Variants in SEL1L3 observed in about 807,000 individuals in gnomAD.
SEL1L3 encodes the protein SEL1L family member 3.
In SEL1L3, 76 loss-of-function variants were observed where a neutral mutation model predicts 142.8. That is an observed-to-expected ratio of 0.53 (90% confidence interval 0.44 to 0.64). The LOEUF is 0.64. Ranked by LOEUF, SEL1L3 falls within the 30% of genes least tolerant of loss-of-function variation. The pLI is 0.00. For synonymous variants in SEL1L3, 504 were observed against 519.6 expected (o/e 0.97, Z 0.41); for missense variants, 1,262 against 1,381.7 (o/e 0.91, Z 1.37).
the SEL1L3 span, among the ~76,000 whole-genome samples, chr4:25,727,019 GTC>G: frequency 2.6e-5 from 4 of 151,396 alleles, no homozygotes; most frequent in East Asian, 5.9e-4. Context: ...CGCCCTTCGT[GTC>G]TCTCTGTGTG....
chr4:25,725,614 C>T, the SEL1L3 span, among the ~76,000 whole-genome samples: 7 of 151,932 alleles, frequency 4.6e-5, no homozygotes, highest in Non-Finnish European at 7.4e-5. Flanking sequence ...GCGCCCGGCC[C>T]TGGTTGGCTA....
intron 1 of SEL1L3, among the ~76,000 whole-genome samples, chr4:25,855,411 T>G (rs955621834): frequency 6.6e-6 from 1 of 152,224 alleles, no homozygotes; most frequent in African/African-American, 2.4e-5. Context: ...TTCCAGCTTC[T>G]AAGATAGAGT....
At chr4:25,819,365 C>A (rs528697342) in intron 8 of SEL1L3, among the ~76,000 whole-genome samples, 28 of 152,348 alleles carry the variant, frequency 1.8e-4, no homozygotes, top group Admixed American at 4.6e-4. Flanking sequence ...CTCCAAACAA[C>A]AAAGTCACCA....
chr4:25,714,535 TCTTTCTTTCTTTCTTTCTTC>T, the SEL1L3 span, among the ~76,000 whole-genome samples: 43 of 143,898 alleles, frequency 3.0e-4, no homozygotes, highest in African/African-American at 9.8e-4. Context: ...TTTCTTTCTT[TCTTTCTTTCTTTCTTTCTTC>T]TTTCTTTCTT....
At chr4:25,742,757 C>T (rs6823637), downstream of SEL1L3, among the ~76,000 whole-genome samples, 108,020 of 151,848 alleles carry the variant, frequency 0.71, 38,492 homozygotes, top group East Asian at 0.79. Context: ...TGTAGGAAAA[C>T]ACTAATTTTT....
chr4:25,746,458 G>A (rs1228435996), downstream of SEL1L3, among the ~76,000 whole-genome samples: 7 of 141,314 alleles, frequency 5.0e-5, no homozygotes, highest in African/African-American at 1.9e-4. Context: ...GCAGTGAGCC[G>A]AGATCGTGCC....
intron 2 of SEL1L3, among the ~76,000 whole-genome samples, chr4:25,843,290 G>A (rs1438916420): frequency 2.6e-5 from 4 of 151,914 alleles, no homozygotes; most frequent in Non-Finnish European, 5.9e-5. Context: ...GGGTGAGGAG[G>A]GTACGACGGG....
At chr4:25,835,170 C>A in intron 3 of SEL1L3, 27 bp downstream of exon 3, 1 of 1,613,040 alleles carries the variant, frequency 6.2e-7, no homozygotes, top group Non-Finnish European at 8.5e-7. Context: ...ACCGCCCGAT[C>A]AGCTCCCTTC....
chr4:25,790,546 T>C lies in SEL1L3; in HGVS notation c.1985A>G (p.Asp662Gly). 6.2e-7 allele frequency: 1 copy of C among 1,612,132 alleles called. No individual in the cohort carries two copies. The highest frequency in any genetic ancestry group is 1.1e-5 in the South Asian group (1 of 91,016). Residue 662 changes from aspartate (D) to glycine (G), a missense_variant, in exon 12 of 24, where the codon GAT (aspartate) becomes GGT (glycine). This residue lies in a region of SEL1L3 where 435 missense variants were observed against 559.2 expected (regional missense o/e 0.78). Transcript: ENST00000399878. Reference sequence around the variant, plus strand: ...GGTTTGTACCTTGAGTATTTCATCATCTTTTAGTCTAATTGTTTCAACATA... The same window carrying C: ...GGTTTGTACCTTGAGTATTTCATCACCTTTTAGTCTAATTGTTTCAACATA... ...QAYVETIRLK[D>G]DEILKVQTKE...
chr4:25,759,365 C>T (rs932174865), intron 20 of SEL1L3: 60 of 298,404 alleles, frequency 2.0e-4, no homozygotes, highest in Admixed American at 1.3e-3. Context: ...TACTGGAAAA[C>T]GTGCCCTTGT....
chr4:25,791,238 C>A lies in SEL1L3; in HGVS notation c.1957-664G>T, dbSNP rs530238855. ...ATTTCGCAGGTTCTGCTTCAAATAT[C>A]TTTTGGCTATTTCCAAAAATTAAAT... On this transcript the variant is annotated intron_variant, in intron 11 of 23. Transcript: ENST00000399878. Among the ~76,000 whole-genome samples the A allele has an allele frequency of 2.0e-5, 3 of 152,296 alleles. No individual in the cohort carries two copies. The South Asian group carries it at 6.2e-4, about 32-fold the overall frequency.
At chr4:25,811,386 A>G (rs1035723725) in intron 9 of SEL1L3, among the ~76,000 whole-genome samples, 1 of 152,208 alleles carries the variant, frequency 6.6e-6, no homozygotes, top group Non-Finnish European at 1.5e-5. Context: ...ACCGAGAAAG[A>G]GCAGCCGCTC....
the SEL1L3 span, among the ~76,000 whole-genome samples, chr4:25,727,637 C>T: frequency 5.9e-5 from 9 of 152,100 alleles, no homozygotes; most frequent in African/African-American, 1.7e-4. Flanking sequence ...TGATCCTGCC[C>T]AAAGTCTCCT....
chr4:25,826,178 C>T (rs1239521029), intron 6 of SEL1L3, among the ~76,000 whole-genome samples: 1 of 152,150 alleles, frequency 6.6e-6, no homozygotes, highest in Non-Finnish European at 1.5e-5. Context: ...CTGTGTCTGG[C>T]ATGTGACAGG....
intron 13 of SEL1L3, among the ~76,000 whole-genome samples, chr4:25,787,834 A>C (rs897673625): frequency 2.6e-5 from 4 of 152,190 alleles, no homozygotes; most frequent in African/African-American, 9.7e-5. Flanking sequence ...TATTTTCATC[A>C]GCAGGATTGT....
At chr4:25,862,234 G>C (rs1454999328) in intron 1 of SEL1L3, 1 of 149,980 alleles carries the variant, frequency 6.7e-6, no homozygotes, top group African/African-American at 2.5e-5. Context: ...CGGGCGCCGA[G>C]AGTAAGAGGC....
At chr4:25,746,292 C>A (rs1717258205), downstream of SEL1L3, among the ~76,000 whole-genome samples, 2 of 151,614 alleles carry the variant, frequency 1.3e-5, no homozygotes, top group South Asian at 4.2e-4. Flanking sequence ...CTGAGGCAGG[C>A]GGATTGCCCG....
At chr4:25,776,645 C>G (rs75650015) in intron 16 of SEL1L3, 3 of 331,314 alleles carry the variant, frequency 9.1e-6, no homozygotes, top group African/African-American at 6.5e-5. Flanking sequence ...ATAATCTCTA[C>G]CAAGAGTTCT....
the SEL1L3 span, among the ~76,000 whole-genome samples, chr4:25,721,251 T>A: frequency 2.0e-3 from 301 of 151,974 alleles, 1 homozygote; most frequent in Non-Finnish European, 2.9e-3. Context: ...GAAGCTGAGT[T>A]CTGATAAGGA....
Sources: allele counts gnomAD v4.1 joint callset (sites outside exome capture counted in the v4.1 genomes callset), GRCh38; gene constraint gnomAD v4.1.1; regional missense constraint gnomAD v4.1.1; transcripts MANE v1.5; gene names NCBI Gene and HGNC (gene_info 2026-07-23, HGNC 2026-07-21).